The following NAP1L1 variants were observed in gnomAD, a reference collection of about 807,000 sequenced individuals.
NAP1L1 encodes the protein nucleosome assembly protein 1-like 1.
In NAP1L1, 9 loss-of-function variants were observed where a neutral mutation model predicts 58.9. The observed-to-expected ratio is 0.15, with a 90% CI of 0.09 to 0.27. The LOEUF (loss-of-function observed/expected upper bound fraction) is 0.27. NAP1L1 is among the 10% of genes least tolerant of loss of function. The pLI is 1.00. For missense variants in NAP1L1, 302 were observed against 458.8 expected (o/e 0.66, Z 3.12); for synonymous variants, 130 against 138.3 (o/e 0.94, Z 0.42).
chr12:76,074,186 A>C lies in NAP1L1; in HGVS notation c.17+17T>G, dbSNP rs1201590263. 3 of 1,588,428 alleles carry C rather than the reference A, an allele frequency of 1.9e-6. No individual in the cohort carries two copies. The South Asian group carries it at 3.3e-5, about 18-fold the overall frequency. On this transcript the variant is annotated intron_variant, in intron 2 of 14. Coordinates refer to ENST00000618691, the MANE Select transcript of NAP1L1 (RefSeq NM_004537.7). ...GATGCCAAATCTCTGAAAAAGAACCAACTCTCTGCCACTTACTTGTCAATG... is the reference window on the plus strand; with the variant it reads ...GATGCCAAATCTCTGAAAAAGAACCCACTCTCTGCCACTTACTTGTCAATG...
intron 7 of NAP1L1, among the ~76,000 whole-genome samples, chr12:76,055,631 T>C (rs1033011083): frequency 2.2e-4 from 34 of 152,344 alleles, no homozygotes; most frequent in African/African-American, 7.9e-4. Context: ...CCAGAGAATG[T>C]AACCATTGTG....
chr12:76,076,549 AAT>A lies in NAP1L1; in HGVS notation c.-20-2312_-20-2311del, dbSNP rs58649228. Among the ~76,000 whole-genome samples the A allele has an allele frequency of 7.4e-3, 888 of 120,210 alleles. 5 individuals carry two copies. The highest frequency in any genetic ancestry group is 0.013 in the African/African-American group (388 of 30,466). 78.9% of individuals were successfully genotyped at this position (120,210 alleles called of 152,430 possible). ...TGCCGAAATCCCCTTTGGATATGGA[AAT>A]ATATATATATATATATATATATATA... On this transcript the variant is annotated intron_variant, in intron 1 of 14. Coordinates refer to ENST00000618691, the MANE Select transcript of NAP1L1 (RefSeq NM_004537.7).
At chr12:76,059,740 T>C (rs1199578849) in intron 6 of NAP1L1, 58 bp downstream of exon 6, 1 of 1,210,630 alleles carries the variant, frequency 8.3e-7, no homozygotes, top group East Asian at 2.3e-5. Flanking sequence ...CTAACATTTC[T>C]GACAAGTCCT....
chr12:76,053,541 C>G (rs1948937141), intron 9 of NAP1L1, among the ~76,000 whole-genome samples, 191 bp from the exon 10 acceptor site: 1 of 152,112 alleles, frequency 6.6e-6, no homozygotes, highest in African/African-American at 2.4e-5. Context: ...ACAATTAGCA[C>G]AAACACATAG....
In NAP1L1 at chr12:76,043,357, C is replaced by G. The variant is rs1372873241; in HGVS notation, c.*5072G>C. 1 of 151,874 alleles carries G rather than the reference C, an allele frequency of 6.6e-6. No individual in the cohort carries two copies. Among genetic ancestry groups the G allele is most frequent in the Non-Finnish European group, 1.5e-5 (1 of 68,030 alleles). 9.4% of individuals were successfully genotyped at this position (151,874 alleles called of 1,614,324 possible). On this transcript the variant is annotated 3_prime_UTR_variant, in exon 15 of 15. Transcript: ENST00000618691. The stretch of plus-strand genomic sequence containing the variant: ...CAGCCTGGCCAACATGGTGAAACAC[C>G]TCTCAACAAATGTAAAAATTAGCTG...
chr12:76,075,121 C>A (rs1288532805), intron 1 of NAP1L1, among the ~76,000 whole-genome samples: 1 of 151,858 alleles, frequency 6.6e-6, no homozygotes, highest in Admixed American at 6.6e-5. Context: ...CTACAGATTA[C>A]CAAAAAAAAC....
chr12:76,067,525 C>T (rs774693167), intron 3 of NAP1L1, 52 bp from the exon 4 acceptor site: 35 of 1,423,388 alleles, frequency 2.5e-5, no homozygotes, highest in Non-Finnish European at 3.0e-5. Flanking sequence ...ATGTATTATG[C>T]TTTTTTAATA....
In NAP1L1 at chr12:76,046,477, T is replaced by C. The variant is rs1948610118; in HGVS notation, c.*1952A>G. ...AAGTTCAGAAAAAGCTGCATTTCGATGAACTATGGTTAAAAAAAAAAAGCA... is the reference window on the plus strand; with the variant it reads ...AAGTTCAGAAAAAGCTGCATTTCGACGAACTATGGTTAAAAAAAAAAAGCA... On this transcript the variant is annotated 3_prime_UTR_variant, in exon 15 of 15. Transcript: ENST00000618691. 6.6e-6 allele frequency: 1 copy of C among 151,624 alleles called. No homozygotes were observed. Among genetic ancestry groups the C allele is most frequent in the African/African-American group, 2.4e-5 (1 of 41,158 alleles). 9.4% of individuals were successfully genotyped at this position (151,624 alleles called of 1,614,324 possible). A position where few individuals can be genotyped will look rare whatever the true frequency, so the allele number is the denominator to read the frequency against.
At chr12:76,052,680 T>C (rs975993722) in intron 11 of NAP1L1, among the ~76,000 whole-genome samples, 3 of 152,234 alleles carry the variant, frequency 2.0e-5, no homozygotes, top group African/African-American at 7.2e-5. Flanking sequence ...CTTTGCCATA[T>C]GCCATATATG....
In NAP1L1 at chr12:76,067,352, G is replaced by T; in HGVS notation, c.206+19C>A. 6.5e-7 allele frequency: 1 copy of T among 1,548,258 alleles called. No individual in the cohort carries two copies. Among genetic ancestry groups the T allele is most frequent in the Non-Finnish European group, 8.9e-7 (1 of 1,126,826 alleles). ...CGTTGATTATAGAAAGATAAATAAGGACTATGGAAAAGCTGTACCTTTCAA... is the reference window on the plus strand; with the variant it reads ...CGTTGATTATAGAAAGATAAATAAGTACTATGGAAAAGCTGTACCTTTCAA... On this transcript the variant is annotated intron_variant, in intron 4 of 14. Transcript: ENST00000618691.
intron 6 of NAP1L1, chr12:76,056,780 G>A (rs1173036836): frequency 1.1e-5 from 4 of 368,728 alleles, no homozygotes; most frequent in African/African-American, 8.6e-5. Flanking sequence ...TGGGAAGTGA[G>A]GTGGGTGGAT....
Position 76,050,572 on chromosome 12 carries a change from A to G in NAP1L1, c.1018T>C (p.Leu340=). 6.2e-7 allele frequency: 1 copy of G among 1,612,116 alleles called. No homozygotes were observed. Among genetic ancestry groups the G allele is most frequent in the Non-Finnish European group, 8.5e-7 (1 of 1,179,512 alleles). ...LRERIIPRSV[L]YFTGEAIEDD... ...TCAATAGCTTCTCCAGTAAAATATA[A>G]CACTGATCTTGGGATTATACGCTCA... is the stretch of plus-strand genomic sequence containing the variant. The change falls in exon 12 of 15, where the codon TTA becomes CTA. Residue 340 remains leucine, a synonymous_variant. Transcript: ENST00000618691.
chr12:76,055,888 A>G, intron 7 of NAP1L1, 145 bp downstream of exon 7: 1 of 825,890 alleles, frequency 1.2e-6, no homozygotes, highest in Non-Finnish European at 1.9e-6. Flanking sequence ...TCAAAGCTGT[A>G]ATTTCTCTTC....
intron 1 of NAP1L1, among the ~76,000 whole-genome samples, chr12:76,074,952 C>T (rs1950114816): frequency 6.6e-6 from 1 of 152,078 alleles, no homozygotes; most frequent in South Asian, 2.1e-4. Flanking sequence ...GTTACCAGAC[C>T]TGAGTAAGTT....
At chr12:76,081,231 C>T (rs145433037) in intron 1 of NAP1L1, among the ~76,000 whole-genome samples, 7 of 152,270 alleles carry the variant, frequency 4.6e-5, no homozygotes, top group East Asian at 3.9e-4. Flanking sequence ...TGCTCACGTA[C>T]GTAACCACGG....
intron 1 of NAP1L1, among the ~76,000 whole-genome samples, chr12:76,076,097 G>C (rs1382147203): frequency 1.3e-5 from 2 of 152,128 alleles, no homozygotes; most frequent in Non-Finnish European, 2.9e-5. Context: ...TAATGCCTTT[G>C]CTTTCCATGT....
chr12:76,053,166 T>A (rs1296604459), intron 10 of NAP1L1, 39 bp downstream of exon 10: 1 of 1,612,350 alleles, frequency 6.2e-7, no homozygotes, highest in East Asian at 2.2e-5. Context: ...ATGCTTTTTA[T>A]AAAACAACCG....
intron 1 of NAP1L1, 192 bp from the exon 2 acceptor site, chr12:76,074,431 T>A: frequency 1.1e-6 from 1 of 891,288 alleles, no homozygotes; most frequent in Non-Finnish European, 1.3e-6. Context: ...GTACCAAAAA[T>A]AATTTTTCAG....
chr12:76,080,436 A>T (rs184806262), intron 1 of NAP1L1, among the ~76,000 whole-genome samples: 81 of 152,362 alleles, frequency 5.3e-4, no homozygotes, highest in Non-Finnish European at 9.4e-4. Context: ...TATTCAACAT[A>T]GCAACATGCT....
Sources: gnomAD v4.1 joint callset for allele counts (sites outside exome capture counted in the v4.1 genomes callset) on GRCh38, gnomAD v4.1.1 for gene constraint, MANE v1.5 for transcripts, NCBI Gene and HGNC (gene_info 2026-07-23, HGNC 2026-07-21) for gene names.